VPS13C: variants seen among roughly 807,000 people sequenced by gnomAD.
VPS13C encodes the protein intermembrane lipid transfer protein VPS13C.
In VPS13C, 358 loss-of-function variants were observed where a neutral mutation model predicts 456.8. That is an observed-to-expected ratio of 0.78 (90% CI 0.72 to 0.86). The LOEUF is 0.86. Ranked by LOEUF, VPS13C falls within the 40% of genes least tolerant of loss-of-function variation. The pLI, the probability that VPS13C is intolerant of heterozygous loss-of-function variation, is 0.00. For synonymous variants in VPS13C, 1,578 were observed against 1,486.7 expected (o/e 1.06, Z -1.41); for missense variants, 4,818 against 4,385.4 (o/e 1.10, Z -2.79).
At chr15:62,017,067 C>T (rs2047278609) in intron 9 of VPS13C, among the ~76,000 whole-genome samples, 2 of 152,128 alleles carry the variant, frequency 1.3e-5, no homozygotes, top group South Asian at 4.1e-4. Context: ...GCATAAATGT[C>T]TTCTTTTGAG....
rs774736465 is a variant in VPS13C at position 61,915,998 on chromosome 15, C to A, written c.8080G>T (p.Ala2694Ser). 6 of 1,593,380 alleles carry A rather than the reference C, an allele frequency of 3.8e-6. No homozygotes were observed. In the East Asian group the frequency reaches 1.4e-4, roughly 36 times the overall value. Residue 2694 changes from alanine (A) to serine (S), a missense_variant, in exon 61 of 85, where the codon GCA becomes TCA. Ala to Ser is a moderately conservative substitution (Grantham distance 99). This residue lies in a region of VPS13C where 4,552 missense variants were observed against 4,130.6 expected (regional missense o/e 1.10). Coordinates refer to ENST00000644861, the MANE Select transcript of VPS13C (RefSeq NM_020821.3). Reference protein sequence around the residue: ...LEGTAETHELAEGSTADVLHS... With the variant: ...LEGTAETHELSEGSTADVLHS... ...AGAACATCAGCAGTACTGCCTTCTG[C>A]CAGCTCATGAGTTTCTGCTGTTCCC...
In VPS13C at chr15:61,936,655, C is replaced by T. The variant is rs759711948; in HGVS notation, c.5697G>A (p.Val1899=). ...CTTTTCTCACTCTTACAGTCTCCTG[C>T]ACAGACTGTGTAGGGCTTGGTTGTG... is the stretch of plus-strand genomic sequence containing the variant. ...ASSQPSPTQS[V]QETVRVRKVD... is the part of the protein sequence containing the mutation. The change falls in exon 48 of 85, where the codon GTG becomes GTA. Residue 1899 remains valine (V), a synonymous_variant. Coordinates refer to ENST00000644861, the MANE Select transcript of VPS13C (RefSeq NM_020821.3). The T allele has an allele frequency of 7.4e-6, 12 of 1,611,788 alleles. No homozygotes were observed. The Admixed American group carries it at 1.2e-4, about 16-fold the overall frequency.
At chr15:61,882,027 T>C (rs1027510002) in intron 69 of VPS13C, among the ~76,000 whole-genome samples, 199 bp from the exon 70 acceptor site, 7 of 152,170 alleles carry the variant, frequency 4.6e-5, no homozygotes, top group African/African-American at 1.7e-4. Flanking sequence ...AAGGACTATA[T>C]AAATACTCTC....
Position 62,019,806 on chromosome 15 carries a change from G to T in VPS13C, c.684+673C>A, listed in dbSNP as rs547414823. Among the ~76,000 whole-genome samples the T allele has an allele frequency of 2.8e-4, 43 of 151,982 alleles. No individual in the cohort carries two copies. The Middle Eastern group carries it at 0.01, about 36-fold the overall frequency. On this transcript the variant is annotated intron_variant, in intron 9 of 84. Transcript: ENST00000644861. ...AGTTCTGTAGATGTCTATTGGGTCT[G>T]CTTGGTGCAGAGCTGAATTCAATTC...
intron 27 of VPS13C, among the ~76,000 whole-genome samples, chr15:61,970,976 T>C (rs2045531658): frequency 6.6e-6 from 1 of 151,910 alleles, no homozygotes; most frequent in Non-Finnish European, 1.5e-5. Flanking sequence ...AAGACAAGTG[T>C]AAGCTCCATG....
chr15:61,882,718 G>C lies in VPS13C; in HGVS notation c.9502C>G (p.Pro3168Ala). 6.3e-7 allele frequency: 1 copy of C among 1,590,710 alleles called. No individual in the cohort carries two copies. Among genetic ancestry groups the C allele is most frequent in the Non-Finnish European group, 8.5e-7 (1 of 1,170,768 alleles). ...CGAATAGGGAGGCGCATTTCCATTG[G>C]ATCTTTATCAAAATTGACCTAGAAA... is the stretch of plus-strand genomic sequence containing the variant. The part of the protein sequence containing the change: ...NNFEVNFDKD[P>A]MEMRLPIRSP... The change falls in exon 69 of 85, where the codon CCA becomes GCA. Residue 3168 changes from proline to alanine, a missense_variant. Coordinates refer to ENST00000644861, the MANE Select transcript of VPS13C (RefSeq NM_020821.3).
chr15:62,042,920 A>T (rs967297815), intron 2 of VPS13C, among the ~76,000 whole-genome samples: 39 of 150,382 alleles, frequency 2.6e-4, no homozygotes, highest in East Asian at 1.2e-3. Flanking sequence ...TATAATAAAA[A>T]ATATATATAT....
chr15:61,995,765 C>A (rs1419599310), intron 16 of VPS13C, among the ~76,000 whole-genome samples: 19 of 152,186 alleles, frequency 1.2e-4, no homozygotes, highest in Non-Finnish European at 5.9e-5. Context: ...ACCATAGTCC[C>A]AAACCAACAT....
At position 61,962,443 on chromosome 15, in the gene VPS13C, C is replaced by T. The variant is rs191357654; in HGVS notation, c.3531G>A (p.Val1177=). The change falls in exon 34 of 85, where the codon GTG becomes GTA. Residue 1177 remains valine (V), a synonymous_variant. Coordinates refer to ENST00000644861, the MANE Select transcript of VPS13C (RefSeq NM_020821.3). The part of the protein sequence containing the change: ...EGDLYTDMSK[V]DGVLSLNVGC... ...CAACATTCAGAGACAGCACACCATC[C>T]ACTTTGGACATGTCAGTATACAAAT... 41 of 1,611,644 alleles carry T rather than the reference C, an allele frequency of 2.5e-5. No homozygotes were observed. The East Asian group carries it at 8.9e-4, about 35-fold the overall frequency.
chr15:61,863,679 A>G (rs1894351843), intron 81 of VPS13C, 151 bp from the exon 82 acceptor site: 3 of 468,614 alleles, frequency 6.4e-6, no homozygotes, highest in Non-Finnish European at 3.8e-6. Context: ...GAAGCTAGAA[A>G]AATATTCACA....
chr15:61,959,139 T>C (rs796598908), intron 36 of VPS13C, among the ~76,000 whole-genome samples: 8 of 152,234 alleles, frequency 5.3e-5, no homozygotes, highest in African/African-American at 1.9e-4. Flanking sequence ...ATCATCATCT[T>C]AGGGCTACTT....
Position 61,982,531 on chromosome 15 carries a change from C to T in VPS13C, c.1957G>A (p.Gly653Arg), listed in dbSNP as rs755268879. Residue 653 changes from glycine (G) to arginine (R), a missense_variant, in exon 21 of 85, where the codon GGA (glycine) becomes AGA (arginine). This residue lies in a region of VPS13C where 4,552 missense variants were observed against 4,130.6 expected (regional missense o/e 1.10). Coordinates refer to ENST00000644861, the MANE Select transcript of VPS13C (RefSeq NM_020821.3). Reference sequence around the variant, plus strand: ...GATGTTATTTGCTCAAGATCCAATCCCTTATTTGATTGAAAGAATTCAACC... The same window carrying T: ...GATGTTATTTGCTCAAGATCCAATCTCTTATTTGATTGAAAGAATTCAACC... ...AVVEFFQSNK[G>R]LDLEQITSAT... 9.9e-6 allele frequency: 16 copies of T among 1,609,418 alleles called. 1 individual carries two copies. In the South Asian group the frequency reaches 1.1e-4, roughly 11 times the overall value.
chr15:61,913,851 A>G (rs1352844170), intron 61 of VPS13C, among the ~76,000 whole-genome samples: 1 of 152,206 alleles, frequency 6.6e-6, no homozygotes, highest in African/African-American at 2.4e-5. Flanking sequence ...GCAGAATGGA[A>G]GACAGCAGGA....
chr15:62,004,770 C>T (rs2046772915), intron 15 of VPS13C, among the ~76,000 whole-genome samples: 2 of 150,050 alleles, frequency 1.3e-5, no homozygotes, highest in South Asian at 2.1e-4. Context: ...GCCTTCATTT[C>T]GTTATGTACC....
In VPS13C at chr15:61,945,542, A is replaced by G. The variant is rs557577752; in HGVS notation, c.5148+173T>C. Among the ~76,000 whole-genome samples the G allele has an allele frequency of 7.2e-5, 11 of 152,348 alleles. No homozygotes were observed. The South Asian group carries it at 2.3e-3, about 32-fold the overall frequency. ...ATATCTTCAAAACAATAATTTTAAA[A>G]ATTCATTTGGTTAACATCATGAAAA... On this transcript the variant is annotated intron_variant, in intron 45 of 84. Coordinates refer to ENST00000644861, the MANE Select transcript of VPS13C (RefSeq NM_020821.3).
At position 62,013,939 on chromosome 15, in the gene VPS13C, T is replaced by C. The variant is rs757708944; in HGVS notation, c.738A>G (p.Ile246Met). Residue 246 changes from isoleucine to methionine, a missense_variant, in exon 10 of 85, where the codon ATA (isoleucine) becomes ATG (methionine). Coordinates refer to ENST00000644861, the MANE Select transcript of VPS13C (RefSeq NM_020821.3). ...TTTTATTCCAACATAATACCTTGTA[T>C]ATAATTTTGTCTGCTTCATTTAATA... The part of the protein sequence containing the change: ...PCILNEADKI[I>M]YKLIRLDSLS... 11 of 1,607,366 alleles carry C rather than the reference T, an allele frequency of 6.8e-6. No homozygotes were observed. The East Asian group carries it at 1.1e-4, about 16-fold the overall frequency.
intron 44 of VPS13C, 78 bp from the exon 45 acceptor site, chr15:61,945,960 G>C: frequency 8.3e-7 from 1 of 1,209,404 alleles, no homozygotes; most frequent in Non-Finnish European, 1.1e-6. Flanking sequence ...ATAAGTTCTC[G>C]TATTACAGAA....
In VPS13C at chr15:61,917,613, C is replaced by A; in HGVS notation, c.7783G>T (p.Ala2595Ser). Residue 2595 changes from alanine to serine, a missense_variant, in exon 60 of 85, where the codon GCT (alanine) becomes TCT (serine). This residue lies in a region of VPS13C where 4,552 missense variants were observed against 4,130.6 expected (regional missense o/e 1.10). Coordinates refer to ENST00000644861, the MANE Select transcript of VPS13C (RefSeq NM_020821.3). ...TTGTACTGATGCTCTAAGATTCCAG[C>A]TGGCTGGATAAACAATTGACATCTG... ...SYRCQLFIQP[A>S]GILEHQYKES... The A allele has an allele frequency of 1.9e-6, 3 of 1,611,542 alleles. No individual in the cohort carries two copies. The highest frequency in any genetic ancestry group is 2.5e-6 in the Non-Finnish European group (3 of 1,177,828).
Position 62,014,030 on chromosome 15 carries a change from G to A in VPS13C, c.685-38C>T, listed in dbSNP as rs577078882. ...AGGGAATACCTGTGAAACGTGGTAT[G>A]GATGTCATTAATAGCGCTCTAATAC... is the stretch of plus-strand genomic sequence containing the variant. On this transcript the variant is annotated intron_variant, in intron 9 of 84. Transcript: ENST00000644861. 1.3e-5 allele frequency: 20 copies of A among 1,502,972 alleles called. No individual in the cohort carries two copies. The Admixed American group carries it at 2.0e-4, about 15-fold the overall frequency. 93.1% of individuals were successfully genotyped at this position (1,502,972 alleles called of 1,614,324 possible).
Sources: allele counts gnomAD v4.1 joint callset (sites outside exome capture counted in the v4.1 genomes callset), GRCh38; gene constraint gnomAD v4.1.1; regional missense constraint gnomAD v4.1.1; transcripts MANE v1.5; gene names NCBI Gene and HGNC (gene_info 2026-07-23, HGNC 2026-07-21).